Variants in ENOX1 observed in about 807,000 individuals in gnomAD.
ENOX1 encodes the protein ecto-NOX disulfide-thiol exchanger 1, also known as candidate growth-related and time keeping constitutive hydroquinone (NADH) oxidase.
A neutral mutation model predicts 82.5 loss-of-function variants in ENOX1; 42 were observed. The observed-to-expected ratio is 0.51, with a 90% CI of 0.40 to 0.66. ENOX1 has a LOEUF of 0.66. ENOX1 is among the 30% of genes least tolerant of loss of function. ENOX1 has a pLI of 0.00. For missense variants in ENOX1, 608 were observed against 811.6 expected, an observed-to-expected ratio of 0.75 and a Z score of 3.05; for synonymous variants, 271 against 282.2, an observed-to-expected ratio of 0.96 and a Z score of 0.40.
chr13:43,220,242 A>G (rs558089789), intron 16 of ENOX1, among the ~76,000 whole-genome samples: 10 of 152,046 alleles, frequency 6.6e-5, no homozygotes, highest in African/African-American at 2.4e-4. Flanking sequence ...ATGGAAGGAA[A>G]ATGAGGGCAG....
At chr13:43,533,635 T>C (rs1230311296) in intron 2 of ENOX1, among the ~76,000 whole-genome samples, 1 of 152,176 alleles carries the variant, frequency 6.6e-6, no homozygotes, top group African/African-American at 2.4e-5. Context: ...CACTAATTAA[T>C]TTTTAAAATT....
Position 43,690,636 on chromosome 13 carries a change from T to C in ENOX1, c.-284-23092A>G, listed in dbSNP as rs1490698458. On this transcript the variant is annotated intron_variant, in intron 1 of 16. Coordinates refer to ENST00000690772, the MANE Select transcript of ENOX1 (RefSeq NM_001347969.2). ...TTTGAAAGAGACCAGCCAGTGGATA[T>C]AAGCAAGGAAAAACTCCGCAAGCAG... 2.6e-5 allele frequency among the ~76,000 whole-genome samples: 4 copies of C among 152,202 alleles called. No homozygotes were observed. The East Asian group carries it at 5.8e-4, about 22-fold the overall frequency.
chr13:43,651,516 A>G (rs534008603), intron 2 of ENOX1, among the ~76,000 whole-genome samples: 1 of 151,628 alleles, frequency 6.6e-6, no homozygotes, highest in Non-Finnish European at 1.5e-5. Context: ...GCCGACATGG[A>G]AAAACCCTGT....
chr13:43,534,909 G>A (rs1235510005), intron 2 of ENOX1, among the ~76,000 whole-genome samples: 1 of 152,182 alleles, frequency 6.6e-6, no homozygotes, highest in African/African-American at 2.4e-5. Flanking sequence ...CCAGTCTGAT[G>A]TCAAATGCAT....
intron 2 of ENOX1, among the ~76,000 whole-genome samples, chr13:43,574,312 T>C (rs2080317207): frequency 6.6e-6 from 1 of 152,178 alleles, no homozygotes. Flanking sequence ...TAAAAGGTTA[T>C]AAAGACGGTA....
rs182695900 is a variant in ENOX1 at position 43,226,716 on chromosome 13, C to T, written c.1715-2578G>A. Among the ~76,000 whole-genome samples, 33 of 152,234 alleles carry T rather than the reference C, an allele frequency of 2.2e-4. No individual in the cohort carries two copies. In the East Asian group the frequency reaches 5.0e-3, roughly 23 times the overall value. On this transcript the variant is annotated intron_variant, in intron 15 of 16. Coordinates refer to ENST00000690772, the MANE Select transcript of ENOX1 (RefSeq NM_001347969.2). ...AGGGAGAAGGAAGAGTCAGCTTTGG[C>T]TTTGTGAGCAGGTGAGGGGGTGCTC...
At chr13:43,398,221 A>G (rs556384267) in intron 5 of ENOX1, among the ~76,000 whole-genome samples, 1 of 152,338 alleles carries the variant, frequency 6.6e-6, no homozygotes, top group East Asian at 1.9e-4. Flanking sequence ...TTTAATTTGT[A>G]TATGCAACTA....
chr13:43,537,799 A>C (rs2078529629), intron 2 of ENOX1, among the ~76,000 whole-genome samples: 1 of 152,172 alleles, frequency 6.6e-6, no homozygotes. Context: ...TACCTAGCTT[A>C]TTACTGATTG....
chr13:43,405,189 C>G (rs182647467), intron 5 of ENOX1, among the ~76,000 whole-genome samples: 1 of 152,306 alleles, frequency 6.6e-6, no homozygotes, highest in African/African-American at 2.4e-5. Context: ...TTTTTTATCT[C>G]TGACCACTTC....
chr13:43,430,895 C>T (rs544755124), intron 3 of ENOX1, among the ~76,000 whole-genome samples: 1 of 152,314 alleles, frequency 6.6e-6, no homozygotes, highest in African/African-American at 2.4e-5. Context: ...AAGTCATTTT[C>T]AGTCATGACC....
intron 14 of ENOX1, among the ~76,000 whole-genome samples, chr13:43,254,742 A>C (rs1305941737): frequency 6.6e-6 from 1 of 152,222 alleles, no homozygotes; most frequent in African/African-American, 2.4e-5. Context: ...TGATCCTTAG[A>C]GTCTATCATG....
At chr13:43,643,600 T>C (rs2083755197) in intron 2 of ENOX1, among the ~76,000 whole-genome samples, 1 of 151,748 alleles carries the variant, frequency 6.6e-6, no homozygotes, top group South Asian at 2.1e-4. Flanking sequence ...ACATCCTGTA[T>C]GTATGTGCAT....
chr13:43,613,215 T>A (rs1191145262), intron 2 of ENOX1, among the ~76,000 whole-genome samples: 2 of 152,194 alleles, frequency 1.3e-5, no homozygotes, highest in Non-Finnish European at 2.9e-5. Flanking sequence ...TTCATCATAT[T>A]AACTACAGTC....
At chr13:43,344,163 T>C (rs2049234557) in intron 9 of ENOX1, among the ~76,000 whole-genome samples, 2 of 152,224 alleles carry the variant, frequency 1.3e-5, no homozygotes, top group Non-Finnish European at 2.9e-5. Context: ...TGCTTTCTAC[T>C]GTCAGCACTA....
At chr13:43,444,862 G>A (rs950331051) in intron 3 of ENOX1, among the ~76,000 whole-genome samples, 2 of 152,106 alleles carry the variant, frequency 1.3e-5, no homozygotes, top group Non-Finnish European at 2.9e-5. Context: ...TTGGATCCAC[G>A]TGCCACCCGT....
intron 5 of ENOX1, among the ~76,000 whole-genome samples, chr13:43,376,103 GC>G (rs1332532724): frequency 6.6e-6 from 1 of 152,168 alleles, no homozygotes; most frequent in Non-Finnish European, 1.5e-5. Context: ...GGACATTCAT[GC>G]CCTTATTCAA....
chr13:43,637,989 C>A (rs79763017), intron 2 of ENOX1, among the ~76,000 whole-genome samples: 11 of 151,998 alleles, frequency 7.2e-5, no homozygotes, highest in African/African-American at 2.7e-4. Context: ...GAAAAGGGTC[C>A]GAGAGCACCT....
intron 1 of ENOX1, among the ~76,000 whole-genome samples, chr13:43,772,731 A>G (rs1594759278): frequency 6.9e-6 from 1 of 145,052 alleles, no homozygotes. Flanking sequence ...CCTGGGCGAC[A>G]GAGCAAGACT....
At chr13:43,738,618 C>G (rs1594633613) in intron 1 of ENOX1, among the ~76,000 whole-genome samples, 2 of 152,100 alleles carry the variant, frequency 1.3e-5, no homozygotes, top group African/African-American at 4.8e-5. Context: ...ATATATAAAG[C>G]AAGTAAATGT....
Sources: allele counts gnomAD v4.1 joint callset (sites outside exome capture counted in the v4.1 genomes callset), GRCh38; gene constraint gnomAD v4.1.1; transcripts MANE v1.5; gene names NCBI Gene and HGNC (gene_info 2026-07-23, HGNC 2026-07-21).